EPM2A: variants seen among roughly 807,000 people sequenced by gnomAD.
EPM2A encodes the protein EPM2A glucan phosphatase, laforin.
Under a neutral mutation model 26.5 loss-of-function variants are expected in EPM2A, and 21 were observed. That is an observed-to-expected ratio of 0.79 (90% CI 0.56 to 1.14). The LOEUF is 1.14. Among genes scored for constraint, EPM2A ranks in the 50% most tolerant of loss-of-function variants. The pLI is 0.00. For missense variants in EPM2A, 458 were observed against 440.8 expected (o/e 1.04, Z -0.35); for synonymous variants, 217 against 177.6 (o/e 1.22, Z -1.76).
At chr6:145,600,956 T>G (rs1384948058) in intron 2 of EPM2A, among the ~76,000 whole-genome samples, 1 of 152,158 alleles carries the variant, frequency 6.6e-6, no homozygotes, top group Non-Finnish European at 1.5e-5. Context: ...CTGTACCCTT[T>G]CCAATGAGAT....
chr6:145,566,991 T>C (rs1780892284), intron 2 of EPM2A, among the ~76,000 whole-genome samples: 1 of 152,232 alleles, frequency 6.6e-6, no homozygotes, highest in East Asian at 1.9e-4. Flanking sequence ...AGGAGAAACA[T>C]GCTTGGTGCA....
At chr6:145,716,356 A>G (rs1315524667) in intron 1 of EPM2A, among the ~76,000 whole-genome samples, 8 of 152,180 alleles carry the variant, frequency 5.3e-5, no homozygotes, top group Admixed American at 5.2e-4. Flanking sequence ...ACCCATGAAG[A>G]TTCTGCAGGT....
At chr6:145,525,723 G>T (rs2114778314) in intron 2 of EPM2A, among the ~76,000 whole-genome samples, 1 of 152,068 alleles carries the variant, frequency 6.6e-6, no homozygotes, top group African/African-American at 2.4e-5. Context: ...TCTAGGTATG[G>T]AATAATATTT....
intron 2 of EPM2A, among the ~76,000 whole-genome samples, chr6:145,641,458 A>T (rs1384756800): frequency 5.9e-5 from 9 of 152,204 alleles, no homozygotes; most frequent in Admixed American, 5.9e-4. Context: ...TCAGACTTTC[A>T]GCCTCCAGAA....
At chr6:145,530,050 C>G (rs759780568) in intron 2 of EPM2A, among the ~76,000 whole-genome samples, 8 of 152,110 alleles carry the variant, frequency 5.3e-5, no homozygotes, top group Non-Finnish European at 8.8e-5. Context: ...ATAAACAAAG[C>G]GAATTCTCTG....
intron 2 of EPM2A, among the ~76,000 whole-genome samples, chr6:145,646,498 T>C (rs192511280): frequency 1.3e-5 from 2 of 152,204 alleles, no homozygotes; most frequent in Admixed American, 1.3e-4. Flanking sequence ...TTTCATTCTC[T>C]ATTGAAAATT....
chr6:145,610,902 G>A (rs1426384796), intron 2 of EPM2A, among the ~76,000 whole-genome samples: 1 of 152,180 alleles, frequency 6.6e-6, no homozygotes, highest in Non-Finnish European at 1.5e-5. Flanking sequence ...CTTTCTGGAA[G>A]CAACAGAAAA....
At chr6:145,387,344 A>T (rs942852844) in intron 4 of EPM2A, among the ~76,000 whole-genome samples, 1 of 152,192 alleles carries the variant, frequency 6.6e-6, no homozygotes, top group African/African-American at 2.4e-5. Flanking sequence ...TTCTTCAGAC[A>T]TCCTCAACAG....
intron 4 of EPM2A, among the ~76,000 whole-genome samples, chr6:145,394,765 C>A (rs1778383204): frequency 6.6e-6 from 1 of 152,146 alleles, no homozygotes. Flanking sequence ...AGCACCCTGT[C>A]AATCCAGAAA....
chr6:145,625,771 C>T lies in EPM2A; in HGVS notation c.*1645G>A, dbSNP rs746348658. 1 of 1,271,784 alleles carries T rather than the reference C, an allele frequency of 7.9e-7. No homozygotes were observed. The highest frequency in any genetic ancestry group is 1.1e-6 in the Non-Finnish European group (1 of 873,686). The allele number at this position is 1,271,784 out of a possible 1,614,324, so 78.8% of individuals were successfully genotyped here. On this transcript the variant is annotated 3_prime_UTR_variant, in exon 4 of 4. Transcript: ENST00000367519. Reference sequence around the variant, plus strand: ...TCTCCCCTAAGTGCCACAGTTCTATCTCCCCGTCCTCTGAGCTCCACTGAA... The same window carrying T: ...TCTCCCCTAAGTGCCACAGTTCTATTTCCCCGTCCTCTGAGCTCCACTGAA...
At chr6:145,665,638 G>A (rs1475512992) in intron 2 of EPM2A, among the ~76,000 whole-genome samples, 9 of 147,244 alleles carry the variant, frequency 6.1e-5, no homozygotes, top group South Asian at 4.4e-4. Flanking sequence ...AATAGAAAAA[G>A]AGGGAATCCT....
intron 2 of EPM2A, among the ~76,000 whole-genome samples, chr6:145,600,190 A>C (rs1781399641): frequency 6.6e-6 from 1 of 151,998 alleles, no homozygotes; most frequent in African/African-American, 2.4e-5. Flanking sequence ...TCCACTTGTT[A>C]TTTCCATTTT....
chr6:145,659,805 C>G (rs957376586), intron 2 of EPM2A, among the ~76,000 whole-genome samples: 1 of 152,174 alleles, frequency 6.6e-6, no homozygotes, highest in African/African-American at 2.4e-5. Context: ...AGAGTTCCAG[C>G]CAATCGCAGG....
chr6:145,690,211 G>C (rs115620158), intron 1 of EPM2A, among the ~76,000 whole-genome samples: 1,811 of 152,250 alleles, frequency 0.012, 32 homozygotes, highest in African/African-American at 0.041. Context: ...TCAAAGGTTT[G>C]CATAAGAGCT....
At chr6:145,479,515 A>G (rs980945071) in intron 4 of EPM2A, among the ~76,000 whole-genome samples, 4 of 151,886 alleles carry the variant, frequency 2.6e-5, no homozygotes, top group Admixed American at 6.6e-5. Flanking sequence ...ATACAAGTGG[A>G]ATCATACAAC....
intron 2 of EPM2A, among the ~76,000 whole-genome samples, chr6:145,610,419 A>G (rs1433675854): frequency 6.6e-6 from 1 of 152,200 alleles, no homozygotes; most frequent in African/African-American, 2.4e-5. Context: ...AAAAAGCACA[A>G]AGTAATTGCC....
chr6:145,645,709 T>C (rs1251151092), intron 2 of EPM2A, among the ~76,000 whole-genome samples: 1 of 152,022 alleles, frequency 6.6e-6, no homozygotes, highest in Non-Finnish European at 1.5e-5. Flanking sequence ...CAAGCACTCC[T>C]CCTGCCTCAG....
chr6:145,666,747 T>C (rs1208054955), intron 2 of EPM2A, among the ~76,000 whole-genome samples: 1 of 149,228 alleles, frequency 6.7e-6, no homozygotes, highest in Non-Finnish European at 1.5e-5. Flanking sequence ...GGCATCACAC[T>C]ACCTGACTTC....
intron 2 of EPM2A, chr6:145,671,501 T>G: frequency 1.3e-5 from 6 of 447,206 alleles, no homozygotes; most frequent in Non-Finnish European, 1.8e-5. Flanking sequence ...AACATTGACA[T>G]TAATCAGGTG....
Sources: allele counts gnomAD v4.1 joint callset (sites outside exome capture counted in the v4.1 genomes callset), GRCh38; gene constraint gnomAD v4.1.1; transcripts MANE v1.5; gene names NCBI Gene and HGNC (gene_info 2026-07-23, HGNC 2026-07-21).